The following SUPT3H variants were observed in gnomAD, a reference collection of about 807,000 sequenced individuals.
The protein encoded by SUPT3H is transcription initiation protein SPT3 homolog.
SUPT3H carries 44 observed loss-of-function variants against 44.3 expected under a neutral mutation model. That is an observed-to-expected ratio of 0.99 (90% CI 0.78 to 1.28). SUPT3H has a LOEUF of 1.28. Among genes scored for constraint, SUPT3H ranks in the 50% most tolerant of loss-of-function variants. The pLI is 0.00. For missense variants in SUPT3H, 380 were observed against 387.1 expected (o/e 0.98, Z 0.15); for synonymous variants, 124 against 125.6 (o/e 0.99, Z 0.09).
At chr6:45,054,276 T>C (rs1790780032) in intron 3 of SUPT3H, among the ~76,000 whole-genome samples, 1 of 152,062 alleles carries the variant, frequency 6.6e-6, no homozygotes, top group South Asian at 2.1e-4. Context: ...TCTCTGGCCT[T>C]TCTCTGAAGT....
At chr6:44,812,166 A>G (rs2153402749) in intron 11 of SUPT3H, among the ~76,000 whole-genome samples, 1 of 152,366 alleles carries the variant, frequency 6.6e-6, no homozygotes, top group East Asian at 1.9e-4. Flanking sequence ...ACAGTTCTAT[A>G]GGCCAGAAGT....
intron 3 of SUPT3H, among the ~76,000 whole-genome samples, chr6:45,090,555 T>C (rs941097504): frequency 6.6e-5 from 10 of 151,938 alleles, no homozygotes; most frequent in Non-Finnish European, 1.3e-4. Flanking sequence ...TGATAGAAAA[T>C]ACCAAAGTTA....
intron 5 of SUPT3H, among the ~76,000 whole-genome samples, chr6:45,007,204 G>A (rs566876717): frequency 4.4e-4 from 67 of 152,176 alleles, no homozygotes; most frequent in African/African-American, 1.5e-3. Flanking sequence ...TGGAGGTAGA[G>A]GAGGCTGAGC....
chr6:45,301,512 C>T lies in SUPT3H; in HGVS notation c.101+63689G>A, dbSNP rs557271494. On this transcript the variant is annotated intron_variant, in intron 2 of 10. Coordinates refer to ENST00000371459, the MANE Select transcript of SUPT3H (RefSeq NM_003599.4). ...CAGGGGTTGAGGATAATTGCTTCAT[C>T]TCTGCTTGAAATGACCTTTGCCATC... 1.8e-4 allele frequency among the ~76,000 whole-genome samples: 28 copies of T among 152,134 alleles called. No individual in the cohort carries two copies. In the South Asian group the frequency reaches 5.6e-3, roughly 31 times the overall value.
chr6:44,817,573 G>T (rs570809106), intron 11 of SUPT3H, among the ~76,000 whole-genome samples: 4 of 151,994 alleles, frequency 2.6e-5, no homozygotes, highest in Non-Finnish European at 5.9e-5. Flanking sequence ...AGAAAATCCC[G>T]AAGAAACTAT....
intron 11 of SUPT3H, among the ~76,000 whole-genome samples, chr6:44,814,970 C>A (rs192997244): frequency 1.3e-5 from 2 of 152,050 alleles, no homozygotes; most frequent in African/African-American, 4.8e-5. Context: ...AGCCACCACG[C>A]CCGGCCTCAA....
At chr6:44,925,682 C>T (rs867588877) in intron 10 of SUPT3H, among the ~76,000 whole-genome samples, 31 of 152,116 alleles carry the variant, frequency 2.0e-4, no homozygotes, top group African/African-American at 5.3e-4. Flanking sequence ...CTAGATAAAA[C>T]ATGTCTGACC....
intron 10 of SUPT3H, among the ~76,000 whole-genome samples, chr6:44,833,907 G>T (rs1769324234): frequency 6.6e-6 from 1 of 152,096 alleles, no homozygotes; most frequent in African/African-American, 2.4e-5. Flanking sequence ...AGCTAAATCA[G>T]CCAGGTATAA....
intron 10 of SUPT3H, among the ~76,000 whole-genome samples, chr6:44,925,694 C>A (rs529148952): frequency 5.3e-5 from 8 of 152,220 alleles, no homozygotes; most frequent in African/African-American, 1.9e-4. Flanking sequence ...TGTCTGACCA[C>A]CTTCCCTGTG....
intron 2 of SUPT3H, among the ~76,000 whole-genome samples, chr6:45,252,071 C>T (rs1006420179): frequency 1.0e-3 from 154 of 152,244 alleles, no homozygotes; most frequent in African/African-American, 3.4e-3. Context: ...ACTTTAGCTC[C>T]ATGTTCCAAA....
intron 2 of SUPT3H, among the ~76,000 whole-genome samples, chr6:45,162,029 G>GT (rs1018143237): frequency 2.2e-4 from 27 of 122,700 alleles, no homozygotes; most frequent in Non-Finnish European, 3.2e-4. Flanking sequence ...TTCAGAACAT[G>GT]TTTAAAAAAA....
intron 2 of SUPT3H, among the ~76,000 whole-genome samples, chr6:45,342,670 T>A (rs1043791047): frequency 2.6e-5 from 4 of 152,196 alleles, no homozygotes; most frequent in Non-Finnish European, 5.9e-5. Context: ...CCTTTTTTTT[T>A]ATTTGCCAAT....
At chr6:45,031,268 C>T (rs1161656770) in intron 3 of SUPT3H, among the ~76,000 whole-genome samples, 1 of 151,984 alleles carries the variant, frequency 6.6e-6, no homozygotes, top group Non-Finnish European at 1.5e-5. Context: ...ATGACATTTT[C>T]CCATTAAAAA....
intron 2 of SUPT3H, among the ~76,000 whole-genome samples, chr6:45,107,390 T>A (rs1217084064): frequency 1.3e-5 from 2 of 152,102 alleles, no homozygotes; most frequent in Non-Finnish European, 2.9e-5. Flanking sequence ...AGTTTGAGAA[T>A]CCAATATAAC....
At chr6:45,167,183 G>A (rs1279799191) in intron 2 of SUPT3H, among the ~76,000 whole-genome samples, 1 of 152,182 alleles carries the variant, frequency 6.6e-6, no homozygotes, top group East Asian at 1.9e-4. Context: ...ATGGACAGAA[G>A]TGTAGGTACT....
At chr6:45,323,252 A>G (rs768620705) in intron 2 of SUPT3H, among the ~76,000 whole-genome samples, 1 of 152,070 alleles carries the variant, frequency 6.6e-6, no homozygotes, top group Non-Finnish European at 1.5e-5. Flanking sequence ...TCCTTTATAA[A>G]CCTCAAAATT....
At chr6:45,254,066 T>TTTTATA (rs1772913700) in intron 2 of SUPT3H, among the ~76,000 whole-genome samples, 1 of 151,852 alleles carries the variant, frequency 6.6e-6, no homozygotes, top group African/African-American at 2.4e-5. Flanking sequence ...TATGTTTATA[T>TTTTATA]TTTATATCTT....
At chr6:45,178,089 T>C (rs1380711326) in intron 2 of SUPT3H, among the ~76,000 whole-genome samples, 2 of 151,994 alleles carry the variant, frequency 1.3e-5, no homozygotes, top group Non-Finnish European at 2.9e-5. Context: ...TAAATTTAAA[T>C]GGATTAAATG....
chr6:45,233,779 C>G (rs1179571295), intron 2 of SUPT3H, among the ~76,000 whole-genome samples: 1 of 152,166 alleles, frequency 6.6e-6, no homozygotes, highest in Non-Finnish European at 1.5e-5. Flanking sequence ...GCCATTTAAA[C>G]TGGGATCTCT....
Sources: allele counts gnomAD v4.1 joint callset (sites outside exome capture counted in the v4.1 genomes callset), GRCh38; gene constraint gnomAD v4.1.1; transcripts MANE v1.5; gene names NCBI Gene and HGNC (gene_info 2026-07-23, HGNC 2026-07-21).